The following SCN11A variants were observed in gnomAD, a reference collection of about 807,000 sequenced individuals.
SCN11A encodes sodium voltage-gated channel alpha subunit 11.
SCN11A carries 122 observed loss-of-function variants against 162.2 expected under a neutral mutation model. That is an observed-to-expected ratio of 0.75 (90% confidence interval 0.65 to 0.87). The LOEUF (loss-of-function observed/expected upper bound fraction) is 0.87. Among genes scored for constraint, SCN11A ranks in the 40% least tolerant of loss-of-function variants. SCN11A has a pLI of 0.00. For synonymous variants in SCN11A, 758 were observed against 751.5 expected (o/e 1.01, Z -0.14); for missense variants, 2,015 against 2,181.6 (o/e 0.92, Z 1.52).
At chr3:38,862,397 C>T (rs2064978873) in intron 28 of SCN11A, among the ~76,000 whole-genome samples, 1 of 152,038 alleles carries the variant, frequency 6.6e-6, no homozygotes, top group Non-Finnish European at 1.5e-5. Flanking sequence ...GGTACCTACC[C>T]AAAGGAAAAG....
At chr3:39,029,622 C>T (rs2031694093) in intron 2 of SCN11A, among the ~76,000 whole-genome samples, 1 of 152,246 alleles carries the variant, frequency 6.6e-6, no homozygotes, top group Non-Finnish European at 1.5e-5. Context: ...AACAGCATCT[C>T]TCACATCTTC....
At chr3:38,882,606 C>A (rs2126105966) in intron 22 of SCN11A, among the ~76,000 whole-genome samples, 1 of 152,190 alleles carries the variant, frequency 6.6e-6, no homozygotes, top group South Asian at 2.1e-4. Flanking sequence ...GAAAGGGAGA[C>A]AAGAAGGACC....
intron 2 of SCN11A, among the ~76,000 whole-genome samples, chr3:39,022,836 G>GC (rs1447432605): frequency 1.3e-5 from 2 of 151,954 alleles, no homozygotes; most frequent in Non-Finnish European, 2.9e-5. Context: ...CCCTGATCAT[G>GC]CCATTGCACT....
At chr3:38,877,903 C>G (rs1283794145) in intron 23 of SCN11A, among the ~76,000 whole-genome samples, 1 of 151,140 alleles carries the variant, frequency 6.6e-6, no homozygotes, top group East Asian at 1.9e-4. Context: ...GACTATTATT[C>G]TAAGTGAAGT....
intron 2 of SCN11A, among the ~76,000 whole-genome samples, chr3:39,005,493 G>A (rs1418472930): frequency 6.6e-6 from 1 of 152,094 alleles, no homozygotes; most frequent in Non-Finnish European, 1.5e-5. Flanking sequence ...CCCCATTCTA[G>A]TCTCCTACCA....
chr3:38,928,752 G>C (rs1358030318), intron 7 of SCN11A, among the ~76,000 whole-genome samples: 1 of 152,066 alleles, frequency 6.6e-6, no homozygotes, highest in Admixed American at 6.5e-5. Flanking sequence ...ATGCCCATTA[G>C]GATGGCTACT....
intron 11 of SCN11A, among the ~76,000 whole-genome samples, chr3:38,918,728 A>G (rs1269382417): frequency 6.6e-6 from 1 of 152,182 alleles, no homozygotes. Context: ...GCTTCATATT[A>G]GATTAAAGCC....
Position 38,894,970 on chromosome 3 carries a change from A to T in SCN11A, c.2404-6T>A. The T allele has an allele frequency of 2.5e-6, 4 of 1,591,076 alleles. No individual in the cohort carries two copies. Among genetic ancestry groups the T allele is most frequent in the Non-Finnish European group, 3.4e-6 (4 of 1,166,434 alleles). ...GCAATGAAGAGGTTGAGCACCTGGG[A>T]ATGGGGTGGGTAGCAAGAAGAAAGG... is the stretch of plus-strand genomic sequence containing the variant. On this transcript the variant is annotated splice_polypyrimidine_tract_variant and splice_region_variant and intron_variant, in intron 18 of 29. Coordinates refer to ENST00000302328, the MANE Select transcript of SCN11A (RefSeq NM_001349253.2).
At chr3:38,850,299 C>T in intron 29 of SCN11A, 182 bp downstream of exon 29, 1 of 587,674 alleles carries the variant, frequency 1.7e-6, no homozygotes, top group Non-Finnish European at 3.0e-6. Flanking sequence ...ACAGAAATTA[C>T]TCTCTATCTC....
chr3:38,878,423 C>T (rs754731505), intron 23 of SCN11A, among the ~76,000 whole-genome samples: 11 of 151,862 alleles, frequency 7.2e-5, no homozygotes, highest in Non-Finnish European at 1.2e-4. Flanking sequence ...AGAGGGTAGA[C>T]CAATTAGCTT....
chr3:38,898,929 T>C (rs1171178930), intron 17 of SCN11A, among the ~76,000 whole-genome samples: 1 of 152,052 alleles, frequency 6.6e-6, no homozygotes, highest in Admixed American at 6.6e-5. Flanking sequence ...GCCTAAACAA[T>C]GATAAAGCAA....
chr3:38,980,893 C>T (rs1323185010), intron 2 of SCN11A, among the ~76,000 whole-genome samples: 4 of 152,176 alleles, frequency 2.6e-5, no homozygotes, highest in Non-Finnish European at 5.9e-5. Context: ...CCAAAGGAGA[C>T]CAGATAGTCA....
intron 2 of SCN11A, among the ~76,000 whole-genome samples, chr3:38,983,599 G>A (rs2030134289): frequency 6.6e-6 from 1 of 152,176 alleles, no homozygotes; most frequent in South Asian, 2.1e-4. Flanking sequence ...CTTAACCTCT[G>A]CGTCTCAGTT....
intron 2 of SCN11A, among the ~76,000 whole-genome samples, chr3:38,990,705 A>G (rs1473572646): frequency 1.3e-5 from 2 of 152,156 alleles, no homozygotes; most frequent in East Asian, 1.9e-4. Flanking sequence ...TCCTCCCCAC[A>G]GCCCTTCGAA....
chr3:39,049,021 C>T (rs2032255722), intron 1 of SCN11A, among the ~76,000 whole-genome samples: 1 of 152,236 alleles, frequency 6.6e-6, no homozygotes, highest in African/African-American at 2.4e-5. Context: ...CAGAGACAAT[C>T]TGTTCCCATG....
chr3:38,876,540 T>C (rs1170468350), intron 23 of SCN11A, among the ~76,000 whole-genome samples: 1 of 151,980 alleles, frequency 6.6e-6, no homozygotes, highest in Admixed American at 6.6e-5. Flanking sequence ...TATCCAAAAG[T>C]GGGCAAAGGA....
intron 4 of SCN11A, among the ~76,000 whole-genome samples, chr3:38,952,130 CAGACGCACTGCCTTA>C (rs2066629732): frequency 6.6e-6 from 1 of 152,156 alleles, no homozygotes; most frequent in Admixed American, 6.5e-5. Flanking sequence ...TGAACAACTC[CAGACGCACTGCCTTA>C]AGAGCCGTAA....
chr3:39,028,173 A>T lies in SCN11A; in HGVS notation c.-280+4207T>A, dbSNP rs2031637548. On this transcript the variant is annotated intron_variant, in intron 2 of 29. Coordinates refer to ENST00000302328, the MANE Select transcript of SCN11A (RefSeq NM_001349253.2). ...AGTTGGCCCATCTCTAGCCCTCTAG[A>T]TTTTGGAGGGTTACACCCCAGACCA... Among the ~76,000 whole-genome samples the T allele has an allele frequency of 2.0e-5, 3 of 152,116 alleles. 1 individual carries two copies. In the South Asian group the frequency reaches 6.2e-4, roughly 32 times the overall value.
chr3:38,926,315 G>A (rs886351331), intron 8 of SCN11A, among the ~76,000 whole-genome samples: 1 of 152,108 alleles, frequency 6.6e-6, no homozygotes, highest in Non-Finnish European at 1.5e-5. Context: ...AAAGCTCTTT[G>A]TAACCTTGTA....
Sources: allele counts gnomAD v4.1 joint callset (sites outside exome capture counted in the v4.1 genomes callset), GRCh38; gene constraint gnomAD v4.1.1; transcripts MANE v1.5; gene names NCBI Gene and HGNC (gene_info 2026-07-23, HGNC 2026-07-21).